DZIP3: variants seen among roughly 807,000 people sequenced by gnomAD.
DZIP3 encodes the protein E3 ubiquitin-protein ligase DZIP3.
DZIP3 carries 118 observed loss-of-function variants against 162.0 expected under a neutral mutation model. The observed-to-expected ratio is 0.73, with a 90% CI of 0.63 to 0.85. The LOEUF (loss-of-function observed/expected upper bound fraction) is 0.85. DZIP3 is among the 40% of genes least tolerant of loss of function. DZIP3 has a pLI of 0.00. For synonymous variants in DZIP3, 438 were observed against 458.6 expected, an observed-to-expected ratio of 0.96 and a Z score of 0.57; for missense variants, 1,331 against 1,407.0, an observed-to-expected ratio of 0.95 and a Z score of 0.86.
chr3:108,597,389 T>A (rs144206580), intron 1 of DZIP3, among the ~76,000 whole-genome samples: 83 of 152,256 alleles, frequency 5.5e-4, no homozygotes, highest in African/African-American at 1.9e-3. Flanking sequence ...AGAATAAGAA[T>A]GTTGCCTTGC....
chr3:108,637,409 T>C, intron 11 of DZIP3, 87 bp from the exon 12 acceptor site: 1 of 1,177,808 alleles, frequency 8.5e-7, no homozygotes, highest in Non-Finnish European at 1.3e-6. Context: ...TCTCATTGTA[T>C]GTTTCAAATG....
At chr3:108,622,797 G>T (rs964422721) in intron 5 of DZIP3, among the ~76,000 whole-genome samples, 6 of 149,784 alleles carry the variant, frequency 4.0e-5, no homozygotes, top group African/African-American at 1.5e-4. Flanking sequence ...ACCAGGCAGA[G>T]ACTCTTGTTC....
In DZIP3 at chr3:108,648,016, GA is replaced by G. The variant is rs745505348; in HGVS notation, c.1869del (p.Lys623AsnfsTer60). 6.2e-7 allele frequency: 1 copy of G among 1,611,508 alleles called. No homozygotes were observed. On this transcript the variant is annotated frameshift_variant, in exon 16 of 33. Coordinates refer to ENST00000361582, the MANE Select transcript of DZIP3 (RefSeq NM_014648.4). LOFTEE classifies it high-confidence loss of function. ...CTCTCATGGAGTACAATATAAATGT[GA>G]AATCACACCCTGAGATACAGTTTGC... ...PPLMEYNINV[K>X]SHPEIQFAEI...
Position 108,644,500 on chromosome 3 carries a change from C to A in DZIP3, c.1478C>A (p.Ser493Tyr). The A allele has an allele frequency of 6.2e-7, 1 of 1,614,108 alleles. No individual in the cohort carries two copies. Among genetic ancestry groups the A allele is most frequent in the Non-Finnish European group, 8.5e-7 (1 of 1,179,988 alleles). The change falls in exon 14 of 33, where the codon TCT (serine) becomes TAT (tyrosine). Residue 493 changes from serine (S) to tyrosine (Y), a missense_variant. Around this residue, in one of 2 missense-constraint regions of DZIP3, gnomAD observed 1,278 missense variants for 1,317.1 expected, o/e 0.97. Transcript: ENST00000361582. ...PKKGWNMEPP[S>Y]SDISKSADIL... ...AAAGGATGGAATATGGAACCGCCAT[C>A]TTCTGACATCTCTAAATCTGCAGAC...
intron 9 of DZIP3, 66 bp from the exon 10 acceptor site, chr3:108,634,800 CAATAT>C: frequency 1.3e-6 from 1 of 777,296 alleles, no homozygotes; most frequent in South Asian, 3.0e-5. Flanking sequence ...TTTAAAGTGA[CAATAT>C]AATTTTTTTT....
chr3:108,618,073 A>G (rs982399538), intron 5 of DZIP3, among the ~76,000 whole-genome samples: 10 of 152,228 alleles, frequency 6.6e-5, no homozygotes, highest in African/African-American at 2.2e-4. Context: ...GTAGGAGACA[A>G]CAGTGGATTA....
intron 12 of DZIP3, among the ~76,000 whole-genome samples, chr3:108,638,117 A>T (rs4273372): frequency 0.23 from 35,079 of 152,094 alleles, 4,758 homozygotes; most frequent in Non-Finnish European, 0.31. Flanking sequence ...TTCCCTTATT[A>T]GTTAATGAAG....
chr3:108,643,087 C>A (rs1047222511), intron 13 of DZIP3, among the ~76,000 whole-genome samples: 2 of 152,204 alleles, frequency 1.3e-5, no homozygotes, highest in Admixed American at 1.3e-4. Context: ...TAACTTGCCT[C>A]CACAATGTAT....
chr3:108,666,736 A>G (rs1943695845), intron 21 of DZIP3, among the ~76,000 whole-genome samples: 3 of 152,276 alleles, frequency 2.0e-5, no homozygotes, highest in African/African-American at 7.2e-5. Context: ...TCAGTAACGG[A>G]GAGATACCAA....
chr3:108,648,873 G>A (rs749865502), intron 16 of DZIP3, 45 bp from the exon 17 acceptor site: 4 of 1,052,142 alleles, frequency 3.8e-6, no homozygotes, highest in Admixed American at 3.5e-5. Context: ...TAACCCATTG[G>A]GCAATTTGAA....
At chr3:108,597,949 C>T in intron 1 of DZIP3, among the ~76,000 whole-genome samples, 1 of 152,040 alleles carries the variant, frequency 6.6e-6, no homozygotes, top group East Asian at 1.9e-4. Context: ...GATCATTTAG[C>T]CAGGTGTGAA....
rs1323518919 is a variant in DZIP3, at chr3:108,622,878, C to CTGTGTGTG, written c.376-1565_376-1564insGTGTGTGT. ...TCTCTCTCTCTCTCTCTCTCTCTCT[C>CTGTGTGTG]TCTGTGTGTGTGTGTGTGTATGGAG... On this transcript the variant is annotated intron_variant, in intron 5 of 32. Transcript: ENST00000361582. Among the ~76,000 whole-genome samples, 18 of 79,510 alleles carry CTGTGTGTG rather than the reference C, an allele frequency of 2.3e-4. 1 individual carries two copies. Among genetic ancestry groups the CTGTGTGTG allele is most frequent in the Admixed American group, 4.9e-4 (4 of 8,218 alleles). The allele number at this position is 79,510 out of a possible 152,430, so 52.2% of individuals were successfully genotyped here.
intron 5 of DZIP3, among the ~76,000 whole-genome samples, chr3:108,618,843 A>G (rs1941161795): frequency 6.6e-6 from 1 of 151,974 alleles, no homozygotes; most frequent in Non-Finnish European, 1.5e-5. Flanking sequence ...CGGGCAGATC[A>G]CGAGGTCAGG....
At position 108,689,844 on chromosome 3, in the gene DZIP3, G is replaced by A. The variant is rs572651217; in HGVS notation, c.3516+920G>A. ...AGAGATGTAATTTGACACAGGAAAA[G>A]GTAGTCATAGTAAAGAAAGGCTTTT... On this transcript the variant is annotated intron_variant, in intron 31 of 32. Transcript: ENST00000361582. 1.4e-4 allele frequency among the ~76,000 whole-genome samples: 22 copies of A among 152,286 alleles called. No individual in the cohort carries two copies. In the South Asian group the frequency reaches 4.1e-3, roughly 29 times the overall value.
chr3:108,690,173 G>A (rs1274622978), intron 31 of DZIP3, among the ~76,000 whole-genome samples: 1 of 152,142 alleles, frequency 6.6e-6, no homozygotes, highest in Non-Finnish European at 1.5e-5. Flanking sequence ...TATGACTATA[G>A]TTAGTGGGCC....
chr3:108,615,122 T>G (rs1395356100), intron 4 of DZIP3, among the ~76,000 whole-genome samples: 1 of 152,230 alleles, frequency 6.6e-6, no homozygotes, highest in Non-Finnish European at 1.5e-5. Flanking sequence ...AATATGGCAA[T>G]TACTTTAATG....
chr3:108,594,150 T>C (rs1939579788), intron 1 of DZIP3, among the ~76,000 whole-genome samples: 2 of 152,154 alleles, frequency 1.3e-5, no homozygotes, highest in South Asian at 4.1e-4. Flanking sequence ...CATTCTAATG[T>C]TATCTATATT....
intron 1 of DZIP3, among the ~76,000 whole-genome samples, chr3:108,602,553 CAG>C (rs1940078769): frequency 6.6e-6 from 1 of 152,180 alleles, no homozygotes; most frequent in South Asian, 2.1e-4. Context: ...CCCAGGAAGT[CAG>C]AGTAAATTTA....
At chr3:108,680,897 C>T (rs1445696628) in intron 26 of DZIP3, among the ~76,000 whole-genome samples, 3 of 152,040 alleles carry the variant, frequency 2.0e-5, no homozygotes, top group Non-Finnish European at 2.9e-5. Flanking sequence ...AACTGGCTAG[C>T]CATTTGCAGC....
Sources: allele counts gnomAD v4.1 joint callset (sites outside exome capture counted in the v4.1 genomes callset), GRCh38; gene constraint gnomAD v4.1.1; regional missense constraint gnomAD v4.1.1; transcripts MANE v1.5; gene names NCBI Gene and HGNC (gene_info 2026-07-23, HGNC 2026-07-21).